The following KAZN variants were observed in gnomAD, a reference collection of about 807,000 sequenced individuals.
KAZN encodes the protein kazrin.
Under a neutral mutation model 87.4 loss-of-function variants are expected in KAZN, and 40 were observed. The observed-to-expected ratio is 0.46, with a 90% CI of 0.36 to 0.60. KAZN has a LOEUF of 0.60. KAZN is among the 20% of genes least tolerant of loss of function. The probability of loss-of-function intolerance (pLI) is 0.00; values close to 1 mark genes in which losing one functional copy is unlikely to be tolerated. For missense variants in KAZN, 898 were observed against 1,073.9 expected (o/e 0.84, Z 2.29); for synonymous variants, 466 against 458.3 (o/e 1.02, Z -0.22).
intron 2 of KAZN, among the ~76,000 whole-genome samples, chr1:14,397,493 G>A (rs774694451): frequency 7.2e-5 from 11 of 152,062 alleles, no homozygotes; most frequent in Non-Finnish European, 1.6e-4. Flanking sequence ...TGAGTGTTAG[G>A]GATTCAACAT....
intron 2 of KAZN, among the ~76,000 whole-genome samples, chr1:15,016,663 T>C (rs1341709088): frequency 6.6e-6 from 1 of 152,148 alleles, no homozygotes; most frequent in Non-Finnish European, 1.5e-5. Context: ...GCAAGTGGCT[T>C]CCCACTTCCC....
At chr1:14,654,559 C>T (rs1638667929) in intron 1 of KAZN, among the ~76,000 whole-genome samples, 1 of 152,100 alleles carries the variant, frequency 6.6e-6, no homozygotes, top group Middle Eastern at 3.2e-3. Flanking sequence ...GTCTCCTTCC[C>T]ACCCCAGCCT....
intron 4 of KAZN, among the ~76,000 whole-genome samples, chr1:15,045,981 A>G (rs1330167794): frequency 6.6e-6 from 1 of 152,222 alleles, no homozygotes; most frequent in Admixed American, 6.5e-5. Flanking sequence ...TGAATAAAGT[A>G]AGCTAGAGCA....
intron 2 of KAZN, among the ~76,000 whole-genome samples, chr1:14,573,138 G>A (rs993353952): frequency 6.6e-6 from 1 of 150,456 alleles, no homozygotes; most frequent in African/African-American, 2.5e-5. Flanking sequence ...CTCCCTCCTA[G>A]GGGTCAGTAA....
At chr1:14,870,688 T>C (rs1439239870) in intron 1 of KAZN, among the ~76,000 whole-genome samples, 11 of 152,204 alleles carry the variant, frequency 7.2e-5, no homozygotes, top group Admixed American at 2.0e-4. Context: ...CCTCATGAGC[T>C]GCTGTGATGC....
intron 2 of KAZN, among the ~76,000 whole-genome samples, chr1:15,015,986 A>G (rs1479208626): frequency 2.0e-5 from 3 of 152,094 alleles, no homozygotes. Flanking sequence ...CTGGGTAGAT[A>G]CCTCCACCCG....
chr1:14,629,901 T>C (rs1679436492), intron 1 of KAZN, among the ~76,000 whole-genome samples: 1 of 152,144 alleles, frequency 6.6e-6, no homozygotes. Context: ...TGTTGATCAT[T>C]TGGCTCTCTG....
chr1:15,064,674 GTC>G (rs1639079124), intron 7 of KAZN, among the ~76,000 whole-genome samples: 1 of 152,226 alleles, frequency 6.6e-6, no homozygotes, highest in African/African-American at 2.4e-5. Context: ...TGGCCATACT[GTC>G]TCCTGTCCAG....
At chr1:14,932,264 T>C (rs1412638952) in intron 1 of KAZN, among the ~76,000 whole-genome samples, 2 of 141,282 alleles carry the variant, frequency 1.4e-5, no homozygotes, top group Non-Finnish European at 3.1e-5. Flanking sequence ...CCCCGTCCCC[T>C]GCCCCGGGTC....
At chr1:14,941,535 G>A (rs1661071626) in intron 1 of KAZN, among the ~76,000 whole-genome samples, 1 of 142,820 alleles carries the variant, frequency 7.0e-6, no homozygotes. Context: ...GGCCAGGGCA[G>A]CCTGGGTTGG....
chr1:14,828,709 A>C (rs921976925), intron 1 of KAZN, among the ~76,000 whole-genome samples: 2 of 152,188 alleles, frequency 1.3e-5, no homozygotes, highest in African/African-American at 4.8e-5. Flanking sequence ...CCCCCACTAA[A>C]TAAAAAAATG....
At chr1:13,989,742 A>G (rs1479994937) in intron 1 of KAZN, among the ~76,000 whole-genome samples, 1 of 152,208 alleles carries the variant, frequency 6.6e-6, no homozygotes, top group East Asian at 1.9e-4. Context: ...TAAAATGGCC[A>G]TCCAGTGACC....
At chr1:14,114,713 A>G (rs376029758) in intron 1 of KAZN, among the ~76,000 whole-genome samples, 3 of 152,194 alleles carry the variant, frequency 2.0e-5, no homozygotes, top group Non-Finnish European at 4.4e-5. Context: ...CTTGATCTCT[A>G]AAAGTGATGA....
At chr1:13,964,439 G>T (rs1641868398) in intron 1 of KAZN, among the ~76,000 whole-genome samples, 1 of 152,208 alleles carries the variant, frequency 6.6e-6, no homozygotes, top group Non-Finnish European at 1.5e-5. Context: ...GTAGCCCCTA[G>T]TTCTGTAGTT....
chr1:13,952,334 G>GATGATA lies in KAZN; in HGVS notation c.91+58580_91+58581insGATAAT, dbSNP rs1419105829. Reference sequence around the variant, plus strand: ...CTTGGAGTCTTAGGTATAAAATGGAGATAATAATAATAATAATAATAATAA... The same window carrying GATGATA: ...CTTGGAGTCTTAGGTATAAAATGGAGATGATAATAATAATAATAATAATAATAATAA... On this transcript the variant is annotated intron_variant, in intron 1 of 16. Transcript: ENST00000636203. 5.3e-3 allele frequency among the ~76,000 whole-genome samples: 760 copies of GATGATA among 143,060 alleles called. 9 individuals are homozygous for GATGATA. The highest frequency in any genetic ancestry group is 0.013 in the South Asian group (55 of 4,246). 93.9% of individuals were successfully genotyped at this position (143,060 alleles called of 152,430 possible).
intron 1 of KAZN, among the ~76,000 whole-genome samples, chr1:14,015,210 T>C (rs375651220): frequency 6.6e-6 from 1 of 152,126 alleles, no homozygotes; most frequent in African/African-American, 2.4e-5. Flanking sequence ...TGTGTGCCAA[T>C]AGAGAAAAAC....
At chr1:13,967,347 G>A (rs1000503155) in intron 1 of KAZN, among the ~76,000 whole-genome samples, 11 of 152,148 alleles carry the variant, frequency 7.2e-5, no homozygotes, top group Non-Finnish European at 1.3e-4. Flanking sequence ...GCTGGAAACT[G>A]AAGGACTGAT....
At chr1:14,986,974 A>G (rs962242556) in intron 2 of KAZN, among the ~76,000 whole-genome samples, 5 of 131,528 alleles carry the variant, frequency 3.8e-5, no homozygotes, top group Middle Eastern at 4.0e-3. Context: ...AGAAATATCA[A>G]TTGACCTCCG....
intron 2 of KAZN, among the ~76,000 whole-genome samples, chr1:14,212,928 C>A (rs1168519450): frequency 6.6e-6 from 1 of 152,186 alleles, no homozygotes; most frequent in Non-Finnish European, 1.5e-5. Flanking sequence ...CAATGATTCA[C>A]TTTACACTGG....
Sources: allele counts gnomAD v4.1 joint callset (sites outside exome capture counted in the v4.1 genomes callset), GRCh38; gene constraint gnomAD v4.1.1; transcripts MANE v1.5; gene names NCBI Gene and HGNC (gene_info 2026-07-23, HGNC 2026-07-21).